Variants in LDB2 observed in about 807,000 individuals in gnomAD.
LDB2 encodes the protein LIM domain binding 2.
A neutral mutation model predicts 44.3 loss-of-function variants in LDB2; 12 were observed. The ratio of observed to expected loss-of-function variants is 0.27; its 90% CI spans 0.17 to 0.44. The LOEUF (loss-of-function observed/expected upper bound fraction) is 0.44. LDB2 is among the 20% of genes least tolerant of loss of function. LDB2 has a pLI of 1.00. For synonymous variants in LDB2, 164 were observed against 174.8 expected (o/e 0.94, Z 0.49); for missense variants, 344 against 473.5 (o/e 0.73, Z 2.54).
chr4:16,837,402 C>T (rs576229803), intron 1 of LDB2, among the ~76,000 whole-genome samples: 4 of 152,160 alleles, frequency 2.6e-5, no homozygotes, highest in Non-Finnish European at 4.4e-5. Context: ...GTGGTTGTTA[C>T]AGTGATGGTC....
intron 2 of LDB2, among the ~76,000 whole-genome samples, chr4:16,722,845 G>T (rs556655569): frequency 6.6e-6 from 1 of 152,078 alleles, no homozygotes; most frequent in South Asian, 2.1e-4. Context: ...ACAGCAAGAA[G>T]GCCCAGACAG....
intron 5 of LDB2, among the ~76,000 whole-genome samples, chr4:16,559,291 T>C (rs893272340): frequency 2.6e-5 from 4 of 152,092 alleles, no homozygotes; most frequent in East Asian, 3.9e-4. Flanking sequence ...AGAGTCAAGA[T>C]CCATCAGTGT....
chr4:16,722,952 A>G (rs1399635896), intron 2 of LDB2, among the ~76,000 whole-genome samples: 7 of 152,200 alleles, frequency 4.6e-5, no homozygotes, highest in Non-Finnish European at 1.5e-5. Flanking sequence ...TGATAGGGTT[A>G]TATACAGATA....
chr4:16,601,086 C>CA (rs1328936463), intron 2 of LDB2, among the ~76,000 whole-genome samples: 2 of 151,868 alleles, frequency 1.3e-5, no homozygotes, highest in African/African-American at 4.8e-5. Flanking sequence ...TATTGAGGTA[C>CA]AAAGTTAAAA....
At chr4:16,669,598 G>A (rs1397992179) in intron 2 of LDB2, among the ~76,000 whole-genome samples, 3 of 152,214 alleles carry the variant, frequency 2.0e-5, no homozygotes, top group Non-Finnish European at 1.5e-5. Context: ...GATCCACAGA[G>A]GAAGGTTAAG....
rs532907465 is a variant in LDB2, at chr4:16,754,175, C to T, written c.235+4983G>A. Among the ~76,000 whole-genome samples, 45 of 152,360 alleles carry T rather than the reference C, an allele frequency of 3.0e-4. No homozygotes were observed. In the South Asian group the frequency reaches 8.9e-3, roughly 30 times the overall value. ...CCACACATTCTTAATCACTGTTCCC[C>T]TCTCTACTCCCTTCTCCTGCTCACC... On this transcript the variant is annotated intron_variant, in intron 2 of 7. Transcript: ENST00000304523.
intron 2 of LDB2, among the ~76,000 whole-genome samples, chr4:16,636,096 C>G (rs1733520439): frequency 6.6e-6 from 1 of 152,170 alleles, no homozygotes; most frequent in African/African-American, 2.4e-5. Context: ...CCATATAAAA[C>G]ACCACCACAA....
chr4:16,759,688 A>G (rs984211753), intron 1 of LDB2, among the ~76,000 whole-genome samples: 1 of 152,210 alleles, frequency 6.6e-6, no homozygotes, highest in Non-Finnish European at 1.5e-5. Context: ...ATTTTCATAC[A>G]TAATTTAATC....
chr4:16,846,431 A>AC, intron 1 of LDB2, among the ~76,000 whole-genome samples: 1 of 152,330 alleles, frequency 6.6e-6, no homozygotes, highest in South Asian at 2.1e-4. Context: ...CAAAAGATCA[A>AC]ACTCTTTAGC....
chr4:16,504,959 G>A (rs1009891283), intron 7 of LDB2, among the ~76,000 whole-genome samples: 1 of 152,220 alleles, frequency 6.6e-6, no homozygotes, highest in African/African-American at 2.4e-5. Flanking sequence ...AACCAACCAA[G>A]TGGGTCTGCA....
In LDB2 at chr4:16,891,304, CTTTTTTTTTTTTTT is replaced by C. The variant is rs559119712; in HGVS notation, c.132+7036_132+7049del. 3.0e-4 allele frequency among the ~76,000 whole-genome samples: 23 copies of C among 77,548 alleles called. 1 individual carries two copies. The highest frequency in any genetic ancestry group is 1.1e-3 in the African/African-American group (22 of 19,986). 50.9% of individuals were successfully genotyped at this position (77,548 alleles called of 152,430 possible). On this transcript the variant is annotated intron_variant, in intron 1 of 7. Transcript: ENST00000304523. Reference sequence around the variant, plus strand: ...AGATAAAGTGGGAATCTTAAGTATTCTTTTTTTTTTTTTTTTTTTTTTTTTTGAGATGGAGTCTC... The same window carrying C: ...AGATAAAGTGGGAATCTTAAGTATTCTTTTTTTTTTTTGAGATGGAGTCTC...
intron 2 of LDB2, among the ~76,000 whole-genome samples, chr4:16,629,061 C>T (rs553649579): frequency 2.6e-5 from 4 of 152,308 alleles, no homozygotes; most frequent in East Asian, 1.9e-4. Context: ...GAGGGGCATC[C>T]GCCATTGCTG....
At chr4:16,883,721 C>T (rs7696780) in intron 1 of LDB2, among the ~76,000 whole-genome samples, 2,230 of 152,282 alleles carry the variant, frequency 0.015, 49 homozygotes, top group African/African-American at 0.051. Context: ...GCCAGGCTGA[C>T]GGCCAGCACA....
At chr4:16,725,067 C>G (rs1042531792) in intron 2 of LDB2, among the ~76,000 whole-genome samples, 1 of 152,160 alleles carries the variant, frequency 6.6e-6, no homozygotes, top group African/African-American at 2.4e-5. Flanking sequence ...TTATCCACTT[C>G]TCTCTTTTGC....
At chr4:16,598,952 A>G (rs566029838) in intron 2 of LDB2, among the ~76,000 whole-genome samples, 1 of 151,132 alleles carries the variant, frequency 6.6e-6, no homozygotes, top group Non-Finnish European at 1.5e-5. Flanking sequence ...AGAAATCCTG[A>G]CCACTGCAGT....
In LDB2 at chr4:16,589,682, C is replaced by T. The variant is rs536785186; in HGVS notation, c.409-850G>A. Among the ~76,000 whole-genome samples the T allele has an allele frequency of 1.8e-4, 27 of 152,152 alleles. 2 individuals carry two copies. The South Asian group carries it at 4.6e-3, about 26-fold the overall frequency. Reference sequence around the variant, plus strand: ...AGGAAAGTGCTATGCAATCACGAACCGCTGAGCCTATTTCAACTATGAGCT... The same window carrying T: ...AGGAAAGTGCTATGCAATCACGAACTGCTGAGCCTATTTCAACTATGAGCT... On this transcript the variant is annotated intron_variant, in intron 3 of 7. Transcript: ENST00000304523.
At chr4:16,688,480 T>C (rs193160109) in intron 2 of LDB2, among the ~76,000 whole-genome samples, 54 of 152,338 alleles carry the variant, frequency 3.5e-4, no homozygotes, top group Middle Eastern at 6.8e-3. Flanking sequence ...ATTCTTCCTT[T>C]CTGTTTTATT....
intron 1 of LDB2, among the ~76,000 whole-genome samples, chr4:16,834,312 T>A (rs539037405): frequency 8.5e-4 from 129 of 152,292 alleles, no homozygotes; most frequent in African/African-American, 3.0e-3. Flanking sequence ...TTGGGAAAAA[T>A]GAATGAACTG....
chr4:16,740,316 A>G (rs529261948), intron 2 of LDB2, among the ~76,000 whole-genome samples: 1 of 152,246 alleles, frequency 6.6e-6, no homozygotes, highest in South Asian at 2.1e-4. Flanking sequence ...GTCTTTTTGC[A>G]TTCAGTTATA....
Sources: allele counts gnomAD v4.1 joint callset (sites outside exome capture counted in the v4.1 genomes callset), GRCh38; gene constraint gnomAD v4.1.1; transcripts MANE v1.5; gene names NCBI Gene and HGNC (gene_info 2026-07-23, HGNC 2026-07-21).